Variants in DRC7 observed in about 807,000 individuals in gnomAD.
The protein encoded by DRC7 is coiled-coil domain containing 135.
Under a neutral mutation model 104.4 loss-of-function variants are expected in DRC7, and 80 were observed. The observed-to-expected ratio is 0.77, with a 90% CI of 0.64 to 0.92. The LOEUF (loss-of-function observed/expected upper bound fraction) is 0.92, where lower values mean the gene tolerates loss of function less well. Ranked by LOEUF, DRC7 falls within the 40% of genes least tolerant of loss-of-function variation. DRC7 has a pLI of 0.00. For missense variants in DRC7, 1,034 were observed against 1,141.1 expected (o/e 0.91, Z 1.35); for synonymous variants, 405 against 447.3 (o/e 0.91, Z 1.19).
At position 57,698,365 on chromosome 16, in the gene DRC7, G is replaced by A. The variant is rs555547495; in HGVS notation, c.203+213G>A. Among the ~76,000 whole-genome samples, 38 of 152,268 alleles carry A rather than the reference G, an allele frequency of 2.5e-4. 1 individual carries two copies. Among genetic ancestry groups the A allele is most frequent in the African/African-American group, 8.2e-4 (34 of 41,560 alleles). ...CCTTGGGCAAGTCACTCAGCCTCTC[G>A]GTGCCTCAGTGCCTTTATCTGTCTA... On this transcript the variant is annotated intron_variant, in intron 3 of 18. Transcript: ENST00000360716.
At chr16:57,698,512 C>T (rs951474442) in intron 3 of DRC7, among the ~76,000 whole-genome samples, 2 of 135,600 alleles carry the variant, frequency 1.5e-5, no homozygotes, top group Admixed American at 1.4e-4. Context: ...CATAGCAAGA[C>T]CCCCCCACCC....
At chr16:57,701,640 G>C in intron 5 of DRC7, 1 of 307,400 alleles carries the variant, frequency 3.3e-6, no homozygotes, top group Non-Finnish European at 6.0e-6. Context: ...GAGCAAAACA[G>C]TAAACTTACC....
chr16:57,698,263 A>G, intron 3 of DRC7, 111 bp downstream of exon 3: 1 of 1,512,906 alleles, frequency 6.6e-7, no homozygotes, highest in South Asian at 1.2e-5. Context: ...AGATAGAGGG[A>G]AGCAGTTATG....
intron 12 of DRC7, 56 bp downstream of exon 12, chr16:57,723,186 A>C: frequency 1.3e-6 from 2 of 1,579,402 alleles, no homozygotes; most frequent in Middle Eastern, 1.9e-4. Flanking sequence ...GGCCTCACAC[A>C]CCCTGTGGCA....
chr16:57,704,944 C>T lies in DRC7; in HGVS notation c.768C>T (p.Ser256=). The T allele has an allele frequency of 2.5e-6, 4 of 1,613,836 alleles. No homozygotes were observed. Among genetic ancestry groups the T allele is most frequent in the East Asian group, 2.2e-5 (1 of 44,880 alleles). The change falls in exon 7 of 19, where the codon AGC becomes AGT. Residue 256 remains serine, a synonymous_variant. Transcript: ENST00000360716. ...YTIKPPRDLC[S]RFEQEQEVKK... is the part of the protein sequence containing the mutation. Reference sequence around the variant, plus strand: ...TCAAACCCCCCAGGGACCTGTGCAGCAGGTTTGAGCAGGAGCAAGAGGTGA... The same window carrying T: ...TCAAACCCCCCAGGGACCTGTGCAGTAGGTTTGAGCAGGAGCAAGAGGTGA...
intron 8 of DRC7, among the ~76,000 whole-genome samples, chr16:57,708,623 G>A (rs1225039885): frequency 6.6e-6 from 1 of 152,124 alleles, no homozygotes; most frequent in East Asian, 1.9e-4. Context: ...CTACTGAGGG[G>A]TGGAATCGCT....
rs550958470 is a variant in DRC7 at position 57,700,285 on chromosome 16, C to T, written c.504+15C>T. On this transcript the variant is annotated intron_variant, in intron 5 of 18. Coordinates refer to ENST00000360716, the MANE Select transcript of DRC7 (RefSeq NM_001289162.2). The stretch of plus-strand genomic sequence containing the variant: ...CTCTCAAGCCGGTAAGCACCACTCA[C>T]AGGCTGCATGCCTGAGCCCACCAGG... 6.2e-7 allele frequency: 1 copy of T among 1,609,504 alleles called. No homozygotes were observed. Among genetic ancestry groups the T allele is most frequent in the Admixed American group, 1.7e-5 (1 of 59,840 alleles).
Position 57,701,970 on chromosome 16 carries a change from A to G in DRC7, c.539A>G (p.Lys180Arg), listed in dbSNP as rs2048663323. The change falls in exon 6 of 19, where the codon AAG becomes AGG. Residue 180 changes from lysine to arginine, a missense_variant. Lys to Arg is a conservative substitution (Grantham distance 26). Transcript: ENST00000360716. ...CTGTACTCCTCGACCACTGTGCTCA[A>G]GTACCAGAAGGGGAACTGCTTTGAC... is the stretch of plus-strand genomic sequence containing the variant. Reference protein sequence around the residue: ...SHLYSSTTVLKYQKGNCFDFS... With the variant: ...SHLYSSTTVLRYQKGNCFDFS... 2.5e-6 allele frequency: 4 copies of G among 1,614,070 alleles called. No homozygotes were observed. Among genetic ancestry groups the G allele is most frequent in the Non-Finnish European group, 3.4e-6 (4 of 1,180,024 alleles).
chr16:57,729,648 T>G (rs1028155906), intron 17 of DRC7, among the ~76,000 whole-genome samples: 76 of 12,162 alleles, frequency 6.2e-3, no homozygotes, highest in South Asian at 0.016. Context: ...GTGGATGGGG[T>G]GGGTGGGTGG....
At chr16:57,727,197 C>T in intron 15 of DRC7, 102 bp from the exon 16 acceptor site, 1 of 951,698 alleles carries the variant, frequency 1.1e-6, no homozygotes, top group Admixed American at 1.9e-5. Flanking sequence ...TCTCAAACTC[C>T]TGAATTCATG....
intron 2 of DRC7, among the ~76,000 whole-genome samples, chr16:57,697,382 C>T (rs2048604461): frequency 6.6e-6 from 1 of 151,164 alleles, no homozygotes; most frequent in African/African-American, 2.4e-5. Context: ...TGAGCCTGGG[C>T]AACATAGCCA....
chr16:57,700,253 C>G lies in DRC7; in HGVS notation c.487C>G (p.Pro163Ala). 6.2e-7 allele frequency: 1 copy of G among 1,613,650 alleles called. No homozygotes were observed. Among genetic ancestry groups the G allele is most frequent in the Non-Finnish European group, 8.5e-7 (1 of 1,179,764 alleles). The change falls in exon 5 of 19, where the codon CCT becomes GCT. Residue 163 changes from proline (P) to alanine (A), a missense_variant. Transcript: ENST00000360716. ...VSDFLTMVPL[P>A]DPLKPPSHLY... ...CGACTTCCTCACCATGGTGCCCCTG[C>G]CTGACCCTCTCAAGCCGGTAAGCAC...
intron 14 of DRC7, 93 bp downstream of exon 14, chr16:57,726,376 C>T: frequency 1.9e-6 from 2 of 1,071,344 alleles, no homozygotes; most frequent in Non-Finnish European, 1.4e-6. Context: ...CCAGGATGGG[C>T]GCTGGTGAAT....
rs73556715 is a variant in DRC7 at position 57,724,866 on chromosome 16, G to A, written c.1758+31G>A. On this transcript the variant is annotated intron_variant, in intron 13 of 18. Coordinates refer to ENST00000360716, the MANE Select transcript of DRC7 (RefSeq NM_001289162.2). ...AGCTCGCGGGGGCTGGGGACAGGTC[G>A]CCCTCCTTCTCTGGCAGCTGATGTC... is the stretch of plus-strand genomic sequence containing the variant. 1.3e-3 allele frequency: 1,978 copies of A among 1,559,994 alleles called. 10 individuals are homozygous for A. In the African/African-American group the frequency reaches 0.017, roughly 13 times the overall value.
chr16:57,717,288 A>ACAGTG (rs1162019139), intron 8 of DRC7, among the ~76,000 whole-genome samples: 1 of 138,990 alleles, frequency 7.2e-6, no homozygotes, highest in African/African-American at 2.8e-5. Flanking sequence ...AGGCTGGAGT[A>ACAGTG]CAGTGGTGTG....
chr16:57,707,186 C>T (rs1164922282), intron 7 of DRC7, among the ~76,000 whole-genome samples: 1 of 152,224 alleles, frequency 6.6e-6, no homozygotes, highest in Non-Finnish European at 1.5e-5. Context: ...AAAGTCATAA[C>T]ATATAAAGCC....
At chr16:57,696,006 A>G (rs2048589287) in intron 1 of DRC7, among the ~76,000 whole-genome samples, 1 of 152,180 alleles carries the variant, frequency 6.6e-6, no homozygotes, top group Admixed American at 6.5e-5. Context: ...GTGGGGGATG[A>G]TTAGAAAATC....
At chr16:57,715,515 C>T (rs1432241874) in intron 8 of DRC7, among the ~76,000 whole-genome samples, 1 of 152,246 alleles carries the variant, frequency 6.6e-6, no homozygotes, top group African/African-American at 2.4e-5. Context: ...AGATGAGAAA[C>T]TTCTGCCTTC....
chr16:57,705,269 T>C (rs1472927242), intron 7 of DRC7, among the ~76,000 whole-genome samples: 1 of 152,054 alleles, frequency 6.6e-6, no homozygotes, highest in African/African-American at 2.4e-5. Context: ...CAGCCCATTC[T>C]ATGCTAGGCA....
Sources: gnomAD v4.1 joint callset for allele counts (sites outside exome capture counted in the v4.1 genomes callset) on GRCh38, gnomAD v4.1.1 for gene constraint, MANE v1.5 for transcripts, NCBI Gene and HGNC (gene_info 2026-07-23, HGNC 2026-07-21) for gene names.